CASZ1: variants seen among roughly 807,000 people sequenced by gnomAD.
CASZ1 encodes the protein zinc finger protein castor homolog 1.
In CASZ1, 28 loss-of-function variants were observed where a neutral mutation model predicts 135.2. That is an observed-to-expected ratio of 0.21 (90% CI 0.15 to 0.28). The LOEUF (loss-of-function observed/expected upper bound fraction) is 0.28. CASZ1 is among the 10% of genes least tolerant of loss of function. The pLI is 1.00. For missense variants in CASZ1, 2,161 were observed against 2,453.3 expected (o/e 0.88, Z 2.52); for synonymous variants, 1,068 against 1,073.4 (o/e 0.99, Z 0.10).
intron 20 of CASZ1, among the ~76,000 whole-genome samples, chr1:10,640,572 A>G (rs1221831166): frequency 6.6e-6 from 1 of 152,182 alleles, no homozygotes; most frequent in Non-Finnish European, 1.5e-5. Context: ...TAGGGGTGCC[A>G]AGTGCCCCAG....
In CASZ1 at chr1:10,735,572, G is replaced by A. The variant is rs1353616267; in HGVS notation, c.-77+25129C>T. ...GTGCTGCAGGAAGGAGGGATGGCTG[G>A]TGCCTCTTAGCCAAGTGCCACGGAC... On this transcript the variant is annotated intron_variant, in intron 2 of 20. Transcript: ENST00000377022. This position sits in a 1 kb window ranked among gnomAD's most constrained non-coding sequence, Gnocchi z 5.1. Among the ~76,000 whole-genome samples the A allele has an allele frequency of 6.6e-6, 1 of 152,174 alleles. No individual in the cohort carries two copies. The highest frequency in any genetic ancestry group is 1.9e-4 in the East Asian group (1 of 5,192).
chr1:10,772,047 GA>G (rs1379878406), intron 1 of CASZ1, among the ~76,000 whole-genome samples: 1 of 152,230 alleles, frequency 6.6e-6, no homozygotes, highest in Non-Finnish European at 1.5e-5. Context: ...AGGCAACAGT[GA>G]GAGGGTGGAG....
chr1:10,637,517 CT>C lies in CASZ1; in HGVS notation c.*1424del. 6.6e-6 allele frequency: 1 copy of C among 152,366 alleles called. No homozygotes were observed. Among genetic ancestry groups the C allele is most frequent in the South Asian group, 2.1e-4 (1 of 4,832 alleles). The allele number at this position is 152,366 out of a possible 1,614,324, so 9.4% of individuals were successfully genotyped here. A position where few individuals can be genotyped will look rare whatever the true frequency, so the allele number is the denominator to read the frequency against. On this transcript the variant is annotated 3_prime_UTR_variant, in exon 21 of 21. Coordinates refer to ENST00000377022, the MANE Select transcript of CASZ1 (RefSeq NM_001079843.3). ...GGGGAGGAGGCTTCTGGATGACAGC[CT>C]CCCCGCCAGCCTTCCATTCCCTCCT...
chr1:10,655,612 C>A (rs1471148872), intron 9 of CASZ1, 37 bp downstream of exon 9: 1 of 1,584,152 alleles, frequency 6.3e-7, no homozygotes, highest in South Asian at 1.1e-5. Context: ...CTGGGCCAGT[C>A]CTGCAGCTGC....
chr1:10,753,711 A>T (rs1640191274), intron 2 of CASZ1, among the ~76,000 whole-genome samples: 1 of 151,792 alleles, frequency 6.6e-6, no homozygotes, highest in Non-Finnish European at 1.5e-5. Flanking sequence ...TTCCAGACAG[A>T]CCCCTCTGTG....
At chr1:10,680,266 G>A (rs538564198) in intron 4 of CASZ1, among the ~76,000 whole-genome samples, 257 of 133,404 alleles carry the variant, frequency 1.9e-3, no homozygotes, top group African/African-American at 6.3e-3. Flanking sequence ...TGGATGGCAC[G>A]GGGCGGGGCG....
At chr1:10,796,527 G>C (rs902677398) in intron 1 of CASZ1, 37 bp downstream of exon 1, 2 of 152,362 alleles carry the variant, frequency 1.3e-5, no homozygotes, top group South Asian at 2.1e-4. Flanking sequence ...TGGGGGACGT[G>C]GGGGGGCCGC....
intron 2 of CASZ1, among the ~76,000 whole-genome samples, chr1:10,742,661 G>T (rs1297075928): frequency 6.6e-6 from 1 of 152,178 alleles, no homozygotes; most frequent in Non-Finnish European, 1.5e-5. Context: ...TGAAAGGAAG[G>T]AGAGGAAGGG....
chr1:10,654,634 G>A (rs1321451771), intron 9 of CASZ1, 43 bp from the exon 10 acceptor site: 1 of 1,592,358 alleles, frequency 6.3e-7, no homozygotes, highest in Non-Finnish European at 8.6e-7. Flanking sequence ...GAGGCCAGGT[G>A]CTCCTGGGCC....
chr1:10,707,690 G>C lies in CASZ1; in HGVS notation c.-76-2146C>G, dbSNP rs780307833. Among the ~76,000 whole-genome samples the C allele has an allele frequency of 2.6e-5, 4 of 152,158 alleles. No homozygotes were observed. Among genetic ancestry groups the C allele is most frequent in the African/African-American group, 4.8e-5 (2 of 41,440 alleles). ...GGGACCCTGGGATACTGGGACCCCA[G>C]TGGGGGCCTAAGAAGTAGCTGAGAG... On this transcript the variant is annotated intron_variant, in intron 2 of 20. Transcript: ENST00000377022. This position sits in a 1 kb window ranked among gnomAD's most constrained non-coding sequence, Gnocchi z 5.0.
rs1386928251 is a variant in CASZ1 at position 10,639,393 on chromosome 1, G to T, written c.4829C>A (p.Pro1610His). The T allele has an allele frequency of 6.5e-7, 1 of 1,545,962 alleles. No homozygotes were observed. Among genetic ancestry groups the T allele is most frequent in the Non-Finnish European group, 8.7e-7 (1 of 1,145,906 alleles). ...GCCGTCCAGACTGATGGGAGGCCCGGGCGCGGGGCCCTCTGCCGCGGGCTC... is the reference window on the plus strand; with the variant it reads ...GCCGTCCAGACTGATGGGAGGCCCGTGCGCGGGGCCCTCTGCCGCGGGCTC... ...RGEPAAEGPA[P>H]GPPISLDGSL... Residue 1610 changes from proline (P) to histidine (H), a missense_variant, in exon 21 of 21, where the codon CCC (proline) becomes CAC (histidine). Pro to His is a moderately conservative substitution (Grantham distance 77). Around this residue, in one of 7 missense-constraint regions of CASZ1, gnomAD observed 240 missense variants for 321.4 expected, o/e 0.75. Transcript: ENST00000377022. The surrounding 1 kb of genome is among the most constrained non-coding windows in gnomAD (Gnocchi z 4.0).
Position 10,639,593 on chromosome 1 carries a change from G to T in CASZ1, c.4629C>A (p.Ile1543=). The part of the protein sequence containing the change: ...HRKHHGKQDV[I]SAAGFCQFSS... Reference sequence around the variant, plus strand: ...TGAACTGGCAGAAGCCCGCGGCGCTGATCACGTCCTGTTTGCCGTGGTGCT... The same window carrying T: ...TGAACTGGCAGAAGCCCGCGGCGCTTATCACGTCCTGTTTGCCGTGGTGCT... Residue 1543 remains isoleucine, a synonymous_variant, in exon 21 of 21, where the codon ATC becomes ATA. Transcript: ENST00000377022. The surrounding 1 kb of genome is among the most constrained non-coding windows in gnomAD (Gnocchi z 4.0). 6.2e-7 allele frequency: 1 copy of T among 1,611,902 alleles called. No homozygotes were observed. The highest frequency in any genetic ancestry group is 8.5e-7 in the Non-Finnish European group (1 of 1,179,806).
intron 2 of CASZ1, among the ~76,000 whole-genome samples, chr1:10,742,594 C>G (rs1486236733): frequency 6.6e-6 from 1 of 152,156 alleles, no homozygotes; most frequent in Non-Finnish European, 1.5e-5. Flanking sequence ...AAGGCTGAAT[C>G]TAGAAGTGAA....
In CASZ1 at chr1:10,660,452, C is replaced by G; in HGVS notation, c.590G>C (p.Arg197Pro). Reference sequence around the variant, plus strand: ...GCTGATCTTCCTGGCCAGCTCGTCCCGCGTGTTCTGGTCATCATAGCCAAA... The same window carrying G: ...GCTGATCTTCCTGGCCAGCTCGTCCGGCGTGTTCTGGTCATCATAGCCAAA... ...GMFGYDDQNT[R>P]DELARKISFE... Residue 197 changes from arginine (R) to proline (P), a missense_variant, in exon 6 of 21, where the codon CGG (arginine) becomes CCG (proline). By Grantham distance (103) the Arg-to-Pro change is moderately radical. Around this residue, in one of 7 missense-constraint regions of CASZ1, gnomAD observed 590 missense variants for 609.8 expected, o/e 0.97. Transcript: ENST00000377022. 6.2e-7 allele frequency: 1 copy of G among 1,614,152 alleles called. No homozygotes were observed. The highest frequency in any genetic ancestry group is 8.5e-7 in the Non-Finnish European group (1 of 1,180,010).
rs1334970878 is a variant in CASZ1 at position 10,647,519 on chromosome 1, T to C, written c.3497+282A>G. The C allele has an allele frequency of 1.3e-5, 17 of 1,337,986 alleles. No individual in the cohort carries two copies. The highest frequency in any genetic ancestry group is 1.5e-5 in the Non-Finnish European group (16 of 1,038,902). The allele number at this position is 1,337,986 out of a possible 1,614,324, so 82.9% of individuals were successfully genotyped here. A position where few individuals can be genotyped will look rare whatever the true frequency, so the allele number is the denominator to read the frequency against. The stretch of plus-strand genomic sequence containing the variant: ...GTCCTCTGAGGACCACCACGCCCAG[T>C]CCACCCCACCTGGCCCTGGCAGGAT... On this transcript the variant is annotated intron_variant, in intron 16 of 20. Transcript: ENST00000377022. This position sits in a 1 kb window ranked among gnomAD's most constrained non-coding sequence, Gnocchi z 4.9.
chr1:10,746,637 C>T (rs1041826790), intron 2 of CASZ1, among the ~76,000 whole-genome samples: 1 of 152,326 alleles, frequency 6.6e-6, no homozygotes, highest in Non-Finnish European at 1.5e-5. Context: ...ACCTTGCACC[C>T]CAACCAAGGG....
rs182920497 is a variant in CASZ1 at position 10,701,593 on chromosome 1, G to C, written c.-24+3899C>G. Reference sequence around the variant, plus strand: ...AAGGGCTGGAGGGAGAACAGTGCGGGAGAGAGGAAGTACCACCAGGGCTAA... The same window carrying C: ...AAGGGCTGGAGGGAGAACAGTGCGGCAGAGAGGAAGTACCACCAGGGCTAA... On this transcript the variant is annotated intron_variant, in intron 3 of 20. Transcript: ENST00000377022. The surrounding 1 kb of genome is among the most constrained non-coding windows in gnomAD (Gnocchi z 6.3). 1.3e-4 allele frequency among the ~76,000 whole-genome samples: 20 copies of C among 152,312 alleles called. No homozygotes were observed. The East Asian group carries it at 3.9e-3, about 29-fold the overall frequency.
chr1:10,651,039 C>T lies in CASZ1; in HGVS notation c.2718G>A (p.Pro906=), dbSNP rs769660473. 99 of 1,551,148 alleles carry T rather than the reference C, an allele frequency of 6.4e-5. No individual in the cohort carries two copies. Among genetic ancestry groups the T allele is most frequent in the East Asian group, 3.0e-4 (13 of 43,588 alleles). Reference sequence around the variant, plus strand: ...CACCGGGTTCCGGCTTCACTTGGGCCGGGGGGAACCTGGCTGGGGTGACCT... The same window carrying T: ...CACCGGGTTCCGGCTTCACTTGGGCTGGGGGGAACCTGGCTGGGGTGACCT... The part of the protein sequence containing the change: ...GQQVTPARFP[P]AQVKPEPGES... Residue 906 remains proline (P), a synonymous_variant, in exon 12 of 21, where the codon CCG becomes CCA. Transcript: ENST00000377022.
chr1:10,765,835 A>T (rs1640465756), intron 1 of CASZ1, among the ~76,000 whole-genome samples: 1 of 152,206 alleles, frequency 6.6e-6, no homozygotes, highest in Admixed American at 6.5e-5. Flanking sequence ...CCCGCACCCC[A>T]GAGGCCCTTC....
Sources: gnomAD v4.1 joint callset for allele counts (sites outside exome capture counted in the v4.1 genomes callset) on GRCh38, gnomAD v4.1.1 for gene constraint, gnomAD v4.1.1 regional missense constraint, Gnocchi (gnomAD v3.1) non-coding constraint, MANE v1.5 for transcripts, NCBI Gene and HGNC (gene_info 2026-07-23, HGNC 2026-07-21) for gene names.